Variants in THSD7A observed in about 807,000 individuals in gnomAD.
The protein encoded by THSD7A is thrombospondin type-1 domain-containing protein 7A.
THSD7A carries 96 observed loss-of-function variants against 231.3 expected under a neutral mutation model. That is an observed-to-expected ratio of 0.41 (90% CI 0.35 to 0.49). The LOEUF (loss-of-function observed/expected upper bound fraction) is 0.49. Ranked by LOEUF, THSD7A falls within the 20% of genes least tolerant of loss-of-function variation. THSD7A has a pLI of 0.05. For missense variants in THSD7A, 2,290 were observed against 2,070.2 expected, an observed-to-expected ratio of 1.11 and a Z score of -2.06; for synonymous variants, 940 against 743.3, an observed-to-expected ratio of 1.26 and a Z score of -4.30.
chr7:11,394,637 G>C (rs1783110776), intron 23 of THSD7A, among the ~76,000 whole-genome samples: 1 of 152,202 alleles, frequency 6.6e-6, no homozygotes, highest in Non-Finnish European at 1.5e-5. Context: ...GATGTTCCTT[G>C]AAAGGGGAAC....
chr7:11,738,893 T>G (rs1782009676), intron 1 of THSD7A, among the ~76,000 whole-genome samples: 1 of 152,008 alleles, frequency 6.6e-6, no homozygotes, highest in South Asian at 2.1e-4. Context: ...ACTTCTGACC[T>G]CCAAAGCTGT....
chr7:11,793,279 C>T (rs1189962172), intron 1 of THSD7A, among the ~76,000 whole-genome samples: 2 of 151,686 alleles, frequency 1.3e-5, no homozygotes, highest in Admixed American at 6.6e-5. Flanking sequence ...TAACAATGGC[C>T]GAATCTTCAG....
intron 11 of THSD7A, 105 bp downstream of exon 11, chr7:11,460,557 T>C: frequency 1.3e-6 from 1 of 771,412 alleles, no homozygotes; most frequent in Non-Finnish European, 2.0e-6. Flanking sequence ...GATTTATATC[T>C]GCTTTGCTCT....
intron 25 of THSD7A, 65 bp downstream of exon 25, chr7:11,379,565 C>T: frequency 7.2e-7 from 1 of 1,392,994 alleles, no homozygotes; most frequent in Non-Finnish European, 1.0e-6. Context: ...AGATAAACTG[C>T]ATAAGAGACA....
chr7:11,706,630 CTTTTTTTTTTTTT>C (rs66964252), intron 1 of THSD7A, among the ~76,000 whole-genome samples: 1 of 66,420 alleles, frequency 1.5e-5, no homozygotes, highest in East Asian at 4.4e-4. Flanking sequence ...TAACAAGGTG[CTTTTTTTTTTTTT>C]TTTTTTTTTT....
intron 6 of THSD7A, among the ~76,000 whole-genome samples, chr7:11,501,250 G>A (rs1359173508): frequency 1.3e-5 from 2 of 152,292 alleles, no homozygotes; most frequent in African/African-American, 4.8e-5. Flanking sequence ...AAGATATTCA[G>A]GACCTAAACT....
chr7:11,600,485 A>G (rs1780512963), intron 2 of THSD7A, among the ~76,000 whole-genome samples: 2 of 152,164 alleles, frequency 1.3e-5, no homozygotes, highest in Non-Finnish European at 2.9e-5. Flanking sequence ...GGGATGGTGG[A>G]TTCTAAATTA....
intron 6 of THSD7A, among the ~76,000 whole-genome samples, chr7:11,521,382 G>C (rs1197089986): frequency 6.6e-6 from 1 of 151,848 alleles, no homozygotes; most frequent in Non-Finnish European, 1.5e-5. Flanking sequence ...ATTGCTAATT[G>C]GCCACTGTGA....
At chr7:11,386,782 G>C (rs1281939098) in intron 23 of THSD7A, among the ~76,000 whole-genome samples, 1 of 152,132 alleles carries the variant, frequency 6.6e-6, no homozygotes, top group Non-Finnish European at 1.5e-5. Flanking sequence ...TGAAGTCTTT[G>C]CCCATGCCTA....
rs1473004409 is a variant in THSD7A at position 11,428,930 on chromosome 7, T to C, written c.3243+17A>G. The C allele has an allele frequency of 3.6e-5, 58 of 1,598,188 alleles. No individual in the cohort carries two copies. Among genetic ancestry groups the C allele is most frequent in the Non-Finnish European group, 4.9e-5 (57 of 1,174,298 alleles). On this transcript the variant is annotated intron_variant, in intron 14 of 27. Coordinates refer to ENST00000423059, the MANE Select transcript of THSD7A (RefSeq NM_015204.3). ...GAATCTCAACAATATCTTAACACTG[T>C]CAATGATAGAAAATACCTGGTTGAC...
At chr7:11,707,839 C>T (rs1057154036) in intron 1 of THSD7A, among the ~76,000 whole-genome samples, 7 of 150,760 alleles carry the variant, frequency 4.6e-5, no homozygotes, top group African/African-American at 1.7e-4. Flanking sequence ...CTTATACAAA[C>T]AAACAATTTT....
At chr7:11,802,885 G>A (rs1784313275) in intron 1 of THSD7A, among the ~76,000 whole-genome samples, 1 of 152,042 alleles carries the variant, frequency 6.6e-6, no homozygotes, top group Admixed American at 6.6e-5. Context: ...ACAATAATGA[G>A]AAAATCTAGA....
rs114134894 is a variant in THSD7A, at chr7:11,657,532, C to T, written c.191-20571G>A. Among the ~76,000 whole-genome samples the T allele has an allele frequency of 8.1e-3, 1,223 of 151,840 alleles. 10 individuals carry two copies. Among genetic ancestry groups the T allele is most frequent in the African/African-American group, 0.028 (1,165 of 41,480 alleles). ...ACTATAGGTATATCCTGCTCTCCTT[C>T]AATAACCTGCTTTAATTGTGCTCAC... On this transcript the variant is annotated intron_variant, in intron 1 of 27. Transcript: ENST00000423059.
chr7:11,473,767 T>G (rs763448841), intron 8 of THSD7A, among the ~76,000 whole-genome samples: 20 of 152,178 alleles, frequency 1.3e-4, no homozygotes, highest in Middle Eastern at 3.4e-3. Context: ...CCTGAGAAAA[T>G]GATAGTTTTT....
At chr7:11,577,130 C>T (rs558297355) in intron 4 of THSD7A, among the ~76,000 whole-genome samples, 6 of 152,194 alleles carry the variant, frequency 3.9e-5, no homozygotes, top group East Asian at 1.9e-4. Context: ...TTTCTTACCC[C>T]CTTGTTATAG....
At chr7:11,443,053 G>C (rs1784854489) in intron 13 of THSD7A, among the ~76,000 whole-genome samples, 1 of 152,052 alleles carries the variant, frequency 6.6e-6, no homozygotes, top group Non-Finnish European at 1.5e-5. Flanking sequence ...AAACATTTCT[G>C]TGAGTCACAG....
intron 1 of THSD7A, among the ~76,000 whole-genome samples, chr7:11,709,896 G>A (rs994479575): frequency 6.6e-6 from 1 of 150,782 alleles, no homozygotes; most frequent in Admixed American, 6.6e-5. Context: ...AATGGGATCA[G>A]TGCAAACATG....
At chr7:11,376,416 G>A (rs1782275971) in intron 27 of THSD7A, among the ~76,000 whole-genome samples, 154 bp downstream of exon 27, 1 of 152,016 alleles carries the variant, frequency 6.6e-6, no homozygotes, top group African/African-American at 2.4e-5. Context: ...GCTCAGATTT[G>A]GTAGCTTTTA....
At chr7:11,752,959 TCA>T (rs1313976905) in intron 1 of THSD7A, among the ~76,000 whole-genome samples, 123 of 151,532 alleles carry the variant, frequency 8.1e-4, no homozygotes, top group African/African-American at 2.9e-3. Context: ...AATCAATCAA[TCA>T]TTTCTAAAAA....
Sources: gnomAD v4.1 joint callset for allele counts (sites outside exome capture counted in the v4.1 genomes callset) on GRCh38, gnomAD v4.1.1 for gene constraint, MANE v1.5 for transcripts, NCBI Gene and HGNC (gene_info 2026-07-23, HGNC 2026-07-21) for gene names.